The following PHLPP1 variants were observed in gnomAD, a reference collection of about 807,000 sequenced individuals.
PHLPP1 encodes the protein PH domain leucine-rich repeat-containing protein phosphatase 1.
A neutral mutation model predicts 117.2 loss-of-function variants in PHLPP1; 42 were observed. The ratio of observed to expected loss-of-function variants is 0.36; its 90% CI spans 0.28 to 0.46. The LOEUF is 0.46. Ranked by LOEUF, PHLPP1 falls within the 20% of genes least tolerant of loss-of-function variation. The pLI is 1.00. For synonymous variants in PHLPP1, 1,042 were observed against 970.7 expected (o/e 1.07, Z -1.37); for missense variants, 2,084 against 2,241.9 (o/e 0.93, Z 1.42).
chr18:62,715,949 G>T lies in PHLPP1; in HGVS notation c.266G>T (p.Gly89Val), dbSNP rs1234815300. The T allele has an allele frequency of 6.8e-6, 8 of 1,182,024 alleles. No homozygotes were observed. Among genetic ancestry groups the T allele is most frequent in the Non-Finnish European group, 8.4e-6 (8 of 955,218 alleles). The allele number at this position is 1,182,024 out of a possible 1,614,324, so 73.2% of individuals were successfully genotyped here. A position where few individuals can be genotyped will look rare whatever the true frequency, so the allele number is the denominator to read the frequency against. Residue 89 changes from glycine (G) to valine (V), a missense_variant, in exon 1 of 17, where the codon GGT becomes GTT. Physicochemically the swap from Gly to Val is moderately radical, Grantham distance 109. This residue lies in a region of PHLPP1 where 719 missense variants were observed against 636.0 expected (regional missense o/e 1.13). Coordinates refer to ENST00000262719, the MANE Select transcript of PHLPP1 (RefSeq NM_194449.4). ...PPGPLPGRAG[G>V]AGRRRRRGAP... is the part of the protein sequence containing the mutation. ...GGGCCGCTGCCGGGCAGAGCGGGGGGTGCCGGGCGCAGGAGGCGGCGCGGG... is the reference window on the plus strand; with the variant it reads ...GGGCCGCTGCCGGGCAGAGCGGGGGTTGCCGGGCGCAGGAGGCGGCGCGGG...
chr18:62,947,981 C>T (rs1440249837), intron 12 of PHLPP1, among the ~76,000 whole-genome samples: 3 of 151,160 alleles, frequency 2.0e-5, no homozygotes, highest in Non-Finnish European at 4.4e-5. Context: ...GCCGAGATTG[C>T]GCCACTGCAC....
chr18:62,783,516 C>T (rs1449900194), intron 1 of PHLPP1, among the ~76,000 whole-genome samples: 2 of 151,914 alleles, frequency 1.3e-5, no homozygotes, highest in Non-Finnish European at 2.9e-5. Context: ...GCGTGAGCCA[C>T]CACACCCAGC....
At chr18:62,733,350 A>C (rs1056863520) in intron 1 of PHLPP1, among the ~76,000 whole-genome samples, 4 of 152,250 alleles carry the variant, frequency 2.6e-5, no homozygotes, top group Non-Finnish European at 4.4e-5. Context: ...TAGTATTTTT[A>C]AATTAAGGTG....
intron 1 of PHLPP1, among the ~76,000 whole-genome samples, chr18:62,763,576 A>G (rs1188663449): frequency 6.6e-6 from 1 of 152,166 alleles, no homozygotes; most frequent in Non-Finnish European, 1.5e-5. Context: ...CGAGACTGCT[A>G]CACAGCTACT....
chr18:62,805,046 A>G (rs1338826509), intron 1 of PHLPP1, among the ~76,000 whole-genome samples: 3 of 137,236 alleles, frequency 2.2e-5, no homozygotes, highest in Admixed American at 7.2e-5. Context: ...CATATACAGT[A>G]TAATATACAC....
intron 10 of PHLPP1, among the ~76,000 whole-genome samples, chr18:62,941,189 C>T (rs1280209663): frequency 6.6e-6 from 1 of 152,182 alleles, no homozygotes; most frequent in Admixed American, 6.5e-5. Flanking sequence ...CTGAAGAGGA[C>T]TCAAGTCACT....
chr18:62,897,619 C>T (rs1004730283), intron 6 of PHLPP1, among the ~76,000 whole-genome samples: 2 of 152,172 alleles, frequency 1.3e-5, no homozygotes, highest in African/African-American at 2.4e-5. Flanking sequence ...AGATTCTCCT[C>T]CCTCAACCTC....
At position 62,735,564 on chromosome 18, in the gene PHLPP1, A is replaced by AAACAACAACAACAAC. The variant is rs34600395; in HGVS notation, c.1576+18332_1576+18346dup. On this transcript the variant is annotated intron_variant, in intron 1 of 16. Transcript: ENST00000262719. ...ACTTCCCCTTCCCAGCCCCCCATCA[A>AAACAACAACAACAAC]AACAACAACAACAACAACAACAACA... Among the ~76,000 whole-genome samples the AAACAACAACAACAAC allele has an allele frequency of 4.0e-3, 569 of 142,992 alleles. 2 individuals are homozygous for AAACAACAACAACAAC. The highest frequency in any genetic ancestry group is 5.4e-3 in the Non-Finnish European group (340 of 62,520). 93.8% of individuals were successfully genotyped at this position (142,992 alleles called of 152,430 possible).
At chr18:62,782,418 G>C (rs1913144787) in intron 1 of PHLPP1, among the ~76,000 whole-genome samples, 1 of 152,188 alleles carries the variant, frequency 6.6e-6, no homozygotes, top group Non-Finnish European at 1.5e-5. Context: ...ATTCAGGGTT[G>C]CCACACAATA....
intron 11 of PHLPP1, among the ~76,000 whole-genome samples, chr18:62,944,344 G>A (rs947752783): frequency 2.0e-5 from 3 of 152,154 alleles, no homozygotes; most frequent in Admixed American, 6.5e-5. Flanking sequence ...TCTTTAGTTG[G>A]TTATTGTAAT....
At chr18:62,960,306 A>C (rs1405244963) in intron 13 of PHLPP1, among the ~76,000 whole-genome samples, 1 of 152,218 alleles carries the variant, frequency 6.6e-6, no homozygotes, top group African/African-American at 2.4e-5. Flanking sequence ...AGTTAGAAAA[A>C]GACTTTTTAG....
chr18:62,890,959 A>G (rs758825160), intron 4 of PHLPP1, among the ~76,000 whole-genome samples: 20 of 152,318 alleles, frequency 1.3e-4, no homozygotes, highest in Middle Eastern at 3.4e-3. Context: ...GTACTAGAGC[A>G]GCAGTTTCAT....
At chr18:62,954,889 A>G (rs1234522498) in intron 12 of PHLPP1, among the ~76,000 whole-genome samples, 1 of 152,234 alleles carries the variant, frequency 6.6e-6, no homozygotes, top group Non-Finnish European at 1.5e-5. Flanking sequence ...GTCATGTGCC[A>G]GGCAATCATT....
intron 9 of PHLPP1, among the ~76,000 whole-genome samples, chr18:62,917,934 G>A (rs958715418): frequency 3.3e-5 from 5 of 152,188 alleles, no homozygotes; most frequent in African/African-American, 1.2e-4. Context: ...GCCAGGCACA[G>A]TGGCTCATGC....
At chr18:62,841,352 A>G (rs774629065) in intron 3 of PHLPP1, among the ~76,000 whole-genome samples, 272 of 85,352 alleles carry the variant, frequency 3.2e-3, no homozygotes, top group Non-Finnish European at 4.0e-3. Flanking sequence ...TTTTTTTTTG[A>G]GATGGAGTCT....
intron 1 of PHLPP1, among the ~76,000 whole-genome samples, chr18:62,755,400 G>A (rs1047223592): frequency 2.0e-5 from 3 of 152,124 alleles, no homozygotes; most frequent in Admixed American, 6.5e-5. Flanking sequence ...AGATAGTGCC[G>A]TGGTGTGAGT....
In PHLPP1 at chr18:62,895,990, A is replaced by G. The variant is rs1210184071; in HGVS notation, c.2423A>G (p.His808Arg). The G allele has an allele frequency of 3.7e-6, 6 of 1,609,248 alleles. No homozygotes were observed. Among genetic ancestry groups the G allele is most frequent in the Non-Finnish European group, 5.1e-6 (6 of 1,175,682 alleles). The change falls in exon 6 of 17, where the codon CAC (histidine) becomes CGC (arginine). Residue 808 changes from histidine (H) to arginine (R), a missense_variant. Physicochemically the swap from His to Arg is conservative, Grantham distance 29. Transcript: ENST00000262719. ...CTACAGGCTTTAAGAAAAATGCCTC[A>G]CATTAAACATGTGGATCTAAGGTAA... ...LRLQALRKMP[H>R]IKHVDLRLNV...
intron 1 of PHLPP1, among the ~76,000 whole-genome samples, chr18:62,733,342 G>A (rs1237832796): frequency 6.6e-6 from 1 of 152,204 alleles, no homozygotes; most frequent in African/African-American, 2.4e-5. Context: ...CCTTTTAGTA[G>A]TATTTTTAAA....
At chr18:62,818,485 G>A (rs1039637494) in intron 1 of PHLPP1, among the ~76,000 whole-genome samples, 4 of 152,082 alleles carry the variant, frequency 2.6e-5, no homozygotes, top group South Asian at 2.1e-4. Flanking sequence ...CCAAGATTGC[G>A]TCACTGCACT....
Sources: allele counts gnomAD v4.1 joint callset (sites outside exome capture counted in the v4.1 genomes callset), GRCh38; gene constraint gnomAD v4.1.1; regional missense constraint gnomAD v4.1.1; transcripts MANE v1.5; gene names NCBI Gene and HGNC (gene_info 2026-07-23, HGNC 2026-07-21).